The following RALYL variants were observed in gnomAD, a reference collection of about 807,000 sequenced individuals.
RALYL encodes RNA-binding Raly-like protein.
A neutral mutation model predicts 35.1 loss-of-function variants in RALYL; 29 were observed. The ratio of observed to expected loss-of-function variants is 0.83; its 90% CI spans 0.61 to 1.13. The LOEUF (loss-of-function observed/expected upper bound fraction) is 1.13, where lower values mean the gene tolerates loss of function less well. RALYL is among the 50% of genes most tolerant of loss of function. RALYL has a pLI of 0.00. For synonymous variants in RALYL, 120 were observed against 127.6 expected (o/e 0.94, Z 0.40); for missense variants, 359 against 360.4 (o/e 1.00, Z 0.03).
chr8:84,568,373 A>G (rs1397679247), intron 2 of RALYL, among the ~76,000 whole-genome samples: 2 of 151,942 alleles, frequency 1.3e-5, no homozygotes, highest in African/African-American at 4.8e-5. Context: ...TACAAAGGAC[A>G]TGAACTCATC....
chr8:84,274,201 G>A (rs918625793), intron 1 of RALYL, among the ~76,000 whole-genome samples: 1 of 152,172 alleles, frequency 6.6e-6, no homozygotes, highest in Non-Finnish European at 1.5e-5. Context: ...TGATGCATAT[G>A]TGTGCCTCAG....
intron 1 of RALYL, among the ~76,000 whole-genome samples, chr8:84,344,315 C>A (rs1165643122): frequency 6.6e-6 from 1 of 151,860 alleles, no homozygotes; most frequent in East Asian, 1.9e-4. Context: ...TATCATCATA[C>A]CTTTAAACTT....
chr8:84,476,105 C>G (rs966930741), intron 1 of RALYL, among the ~76,000 whole-genome samples: 1 of 152,032 alleles, frequency 6.6e-6, no homozygotes, highest in African/African-American at 2.4e-5. Context: ...AGATGTGGTA[C>G]AGAGGGGAAC....
intron 8 of RALYL, among the ~76,000 whole-genome samples, chr8:84,906,572 T>A (rs889960971): frequency 1.4e-4 from 21 of 152,112 alleles, no homozygotes; most frequent in Non-Finnish European, 1.6e-4. Flanking sequence ...TGGGGCACTT[T>A]TCTTCCCCAA....
rs74496042 is a variant in RALYL, at chr8:84,351,473, C to T, written c.-24+167049C>T. Among the ~76,000 whole-genome samples, 38 of 149,452 alleles carry T rather than the reference C, an allele frequency of 2.5e-4. 2 individuals carry two copies. The highest frequency in any genetic ancestry group is 4.9e-4 in the Non-Finnish European group (33 of 67,526). Reference sequence around the variant, plus strand: ...TGGTACAGAGGGACTTTTCCAGCTCCCAGGGGTGCATAAATTTCCTTTTTC... The same window carrying T: ...TGGTACAGAGGGACTTTTCCAGCTCTCAGGGGTGCATAAATTTCCTTTTTC... On this transcript the variant is annotated intron_variant, in intron 1 of 8. Coordinates refer to ENST00000521268, the MANE Select transcript of RALYL (RefSeq NM_173848.7).
chr8:84,324,282 T>C (rs1324598232), intron 1 of RALYL, among the ~76,000 whole-genome samples: 1 of 151,956 alleles, frequency 6.6e-6, no homozygotes, highest in Non-Finnish European at 1.5e-5. Flanking sequence ...ACAGTTAATT[T>C]CTTTTTTTTC....
At chr8:84,698,177 C>G (rs1226101809) in intron 2 of RALYL, among the ~76,000 whole-genome samples, 2 of 152,018 alleles carry the variant, frequency 1.3e-5, no homozygotes, top group Admixed American at 1.3e-4. Flanking sequence ...CCTCGGTTCC[C>G]TTATCTGTAG....
chr8:84,734,040 T>C (rs191713011), intron 2 of RALYL, among the ~76,000 whole-genome samples: 74 of 152,330 alleles, frequency 4.9e-4, no homozygotes, highest in African/African-American at 1.7e-3. Context: ...CGTGGGGCTA[T>C]GGCTGCTAAT....
intron 1 of RALYL, among the ~76,000 whole-genome samples, chr8:84,216,194 A>G (rs1820770248): frequency 6.6e-6 from 1 of 152,258 alleles, no homozygotes; most frequent in African/African-American, 2.4e-5. Flanking sequence ...GAGACTTGAC[A>G]TATACAGATA....
intron 3 of RALYL, among the ~76,000 whole-genome samples, chr8:84,784,102 G>T (rs2634047): frequency 3.3e-5 from 5 of 151,914 alleles, no homozygotes; most frequent in Admixed American, 1.3e-4. Flanking sequence ...CTTTTTTCAC[G>T]CATTCTCTGG....
chr8:84,632,100 C>T (rs1412140098), intron 2 of RALYL, among the ~76,000 whole-genome samples: 1 of 151,686 alleles, frequency 6.6e-6, no homozygotes, highest in Non-Finnish European at 1.5e-5. Context: ...GGTTAGTGTC[C>T]TTATAAAATA....
intron 1 of RALYL, among the ~76,000 whole-genome samples, chr8:84,203,361 C>T (rs1467584901): frequency 1.3e-5 from 2 of 151,774 alleles, no homozygotes; most frequent in Non-Finnish European, 2.9e-5. Context: ...ATTTTCCCAG[C>T]AGATTTTTCT....
At chr8:84,653,853 TA>T (rs1829359976) in intron 2 of RALYL, among the ~76,000 whole-genome samples, 1 of 151,822 alleles carries the variant, frequency 6.6e-6, no homozygotes, top group South Asian at 2.1e-4. Flanking sequence ...TTAACTTTTT[TA>T]TCTTAATATT....
At chr8:84,529,637 T>C (rs2059145251) in intron 2 of RALYL, 60 bp downstream of exon 2, 1 of 1,519,886 alleles carries the variant, frequency 6.6e-7, no homozygotes, top group Non-Finnish European at 8.9e-7. Flanking sequence ...AATTGTTTTA[T>C]TTCACAAAAC....
intron 1 of RALYL, among the ~76,000 whole-genome samples, chr8:84,527,103 A>G (rs944391591): frequency 2.0e-5 from 3 of 152,242 alleles, no homozygotes; most frequent in African/African-American, 7.2e-5. Context: ...TACTACAACA[A>G]AACTTACTCT....
At chr8:84,794,013 G>A (rs1821370192) in intron 3 of RALYL, among the ~76,000 whole-genome samples, 1 of 152,176 alleles carries the variant, frequency 6.6e-6, no homozygotes, top group Non-Finnish European at 1.5e-5. Flanking sequence ...TTAAGAGAAA[G>A]GATCAGAGAT....
At chr8:84,874,589 T>C (rs750159110) in intron 7 of RALYL, among the ~76,000 whole-genome samples, 5 of 152,168 alleles carry the variant, frequency 3.3e-5, no homozygotes, top group Non-Finnish European at 5.9e-5. Context: ...CAGGAGCCTG[T>C]CAGTTTGTTG....
intron 1 of RALYL, among the ~76,000 whole-genome samples, chr8:84,490,079 ATGTGTGTGTGTGTG>A (rs143193843): frequency 0.44 from 63,433 of 144,368 alleles, 13,493 homozygotes; most frequent in East Asian, 0.52. Context: ...GCTTGCGTGC[ATGTGTGTGTGTGTG>A]TGTGTGTGTG....
intron 1 of RALYL, among the ~76,000 whole-genome samples, chr8:84,197,962 C>T (rs1815797927): frequency 6.6e-6 from 1 of 152,138 alleles, no homozygotes; most frequent in Admixed American, 6.5e-5. Flanking sequence ...CAGTACCTGG[C>T]ACACAGGAAG....
Sources: allele counts gnomAD v4.1 joint callset (sites outside exome capture counted in the v4.1 genomes callset), GRCh38; gene constraint gnomAD v4.1.1; transcripts MANE v1.5; gene names NCBI Gene and HGNC (gene_info 2026-07-23, HGNC 2026-07-21).